ALKBH5: variants seen among roughly 807,000 people sequenced by gnomAD.
ALKBH5 encodes alkB homolog 5, RNA demethylase, also known as RNA demethylase ALKBH5.
A neutral mutation model predicts 32.1 loss-of-function variants in ALKBH5; 2 were observed. The ratio of observed to expected loss-of-function variants is 0.06; its 90% CI spans 0.03 to 0.20. The LOEUF (loss-of-function observed/expected upper bound fraction) is 0.20. Among genes scored for constraint, ALKBH5 ranks in the 10% least tolerant of loss-of-function variants. The pLI is 1.00. For missense variants in ALKBH5, 352 were observed against 559.5 expected (o/e 0.63, Z 3.74); for synonymous variants, 300 against 231.7 (o/e 1.29, Z -2.68).
intron 1 of ALKBH5, among the ~76,000 whole-genome samples, chr17:18,192,697 G>T (rs945142779): frequency 3.9e-5 from 6 of 152,108 alleles, no homozygotes; most frequent in African/African-American, 1.4e-4. Flanking sequence ...GGTATTAATA[G>T]GTATTATGAG....
Position 18,184,008 on chromosome 17 carries a change from T to C in ALKBH5, c.-236T>C. 1 of 649,084 alleles carries C rather than the reference T, an allele frequency of 1.5e-6. No individual in the cohort carries two copies. The highest frequency in any genetic ancestry group is 2.8e-6 in the Non-Finnish European group (1 of 354,064). The allele number at this position is 649,084 out of a possible 1,614,324, so 40.2% of individuals were successfully genotyped here. A position where few individuals can be genotyped will look rare whatever the true frequency, so the allele number is the denominator to read the frequency against. The stretch of plus-strand genomic sequence containing the variant: ...GCCGGCGCCCCTGCCCCGCGGGACG[T>C]GGAGAAGGTGGAGGAGGAAGAAGCC... On this transcript the variant is annotated 5_prime_UTR_variant, in exon 1 of 4. Coordinates refer to ENST00000399138, the MANE Select transcript of ALKBH5 (RefSeq NM_017758.4).
rs57485964 is a variant in ALKBH5 at position 18,201,743 on chromosome 17, TTAGATAGATAGATAGA to T, written c.852-5044_852-5029del. On this transcript the variant is annotated intron_variant, in intron 2 of 3. Transcript: ENST00000399138. ...TTGGGCTACAGGGTGAGACTCCATC[TTAGATAGATAGATAGA>T]TAGATAGATAGATAGATAGATAGAT... Among the ~76,000 whole-genome samples the T allele has an allele frequency of 3.1e-3, 405 of 129,916 alleles. 3 individuals carry two copies. The highest frequency in any genetic ancestry group is 5.5e-3 in the South Asian group (18 of 3,286). The allele number at this position is 129,916 out of a possible 152,430, so 85.2% of individuals were successfully genotyped here.
At chr17:18,197,142 A>G (rs535279548) in intron 2 of ALKBH5, among the ~76,000 whole-genome samples, 182 of 152,356 alleles carry the variant, frequency 1.2e-3, no homozygotes, top group Non-Finnish European at 2.0e-3. Flanking sequence ...GGTATGATCC[A>G]TATCTGTGGG....
chr17:18,183,951 C>A lies in ALKBH5; in HGVS notation c.-293C>A, dbSNP rs1031805429. The A allele has an allele frequency of 1.7e-6, 1 of 601,900 alleles. No homozygotes were observed. The highest frequency in any genetic ancestry group is 2.2e-5 in the Admixed American group (1 of 45,880). 37.3% of individuals were successfully genotyped at this position (601,900 alleles called of 1,614,324 possible). ...GGTCTGGTCGGGAGTCGGGCCGCGT[C>A]TCCGCAGCAGCCCTCCGCGGCATGA... On this transcript the variant is annotated 5_prime_UTR_variant, in exon 1 of 4. Coordinates refer to ENST00000399138, the MANE Select transcript of ALKBH5 (RefSeq NM_017758.4).
chr17:18,208,165 C>A, intron 3 of ALKBH5, 54 bp from the exon 4 acceptor site: 1 of 1,547,714 alleles, frequency 6.5e-7, no homozygotes, highest in African/African-American at 1.4e-5. Context: ...AGCGGTAAAG[C>A]CAGGCGCCTC....
chr17:18,197,565 A>G (rs1423014235), intron 2 of ALKBH5, among the ~76,000 whole-genome samples: 1 of 152,236 alleles, frequency 6.6e-6, no homozygotes, highest in Non-Finnish European at 1.5e-5. Context: ...TTGGATGTGC[A>G]GGTGGTAGTG....
intron 2 of ALKBH5, among the ~76,000 whole-genome samples, chr17:18,202,382 A>T (rs2047247267): frequency 6.6e-6 from 1 of 151,914 alleles, no homozygotes; most frequent in African/African-American, 2.4e-5. Flanking sequence ...GGGTGGGGAG[A>T]GTCCCGTGAG....
At position 18,183,909 on chromosome 17, in the gene ALKBH5, C is replaced by T; in HGVS notation, c.-335C>T. The stretch of plus-strand genomic sequence containing the variant: ...GTGCGGAGAGCTTTAAAGTGCGGGC[C>T]GGGCCGGGCGTCCGAGGGTCTGGTC... On this transcript the variant is annotated 5_prime_UTR_variant, in exon 1 of 4. Transcript: ENST00000399138. 3 of 509,416 alleles carry T rather than the reference C, an allele frequency of 5.9e-6. No homozygotes were observed. Among genetic ancestry groups the T allele is most frequent in the South Asian group, 1.6e-5 (1 of 60,914 alleles). The allele number at this position is 509,416 out of a possible 1,614,324, so 31.6% of individuals were successfully genotyped here. A position where few individuals can be genotyped will look rare whatever the true frequency, so the allele number is the denominator to read the frequency against.
intron 2 of ALKBH5, among the ~76,000 whole-genome samples, chr17:18,205,764 A>T (rs2047265911): frequency 6.6e-6 from 1 of 152,184 alleles, no homozygotes; most frequent in African/African-American, 2.4e-5. Flanking sequence ...AGCCCAAGGC[A>T]GTTCTTGGAT....
At chr17:18,188,415 A>G (rs1031682498) in intron 1 of ALKBH5, among the ~76,000 whole-genome samples, 25 of 152,354 alleles carry the variant, frequency 1.6e-4, no homozygotes, top group African/African-American at 6.0e-4. Context: ...TGACTCTTCC[A>G]GTTAACGGTT....
intron 1 of ALKBH5, among the ~76,000 whole-genome samples, chr17:18,190,582 C>T (rs907573504): frequency 6.6e-6 from 1 of 151,556 alleles, no homozygotes; most frequent in African/African-American, 2.4e-5. Context: ...ATTTCAGACA[C>T]CTCATTTAAT....
intron 1 of ALKBH5, 47 bp from the exon 2 acceptor site, chr17:18,194,908 G>A: frequency 6.3e-7 from 1 of 1,584,694 alleles, no homozygotes; most frequent in South Asian, 1.1e-5. Flanking sequence ...AGGAACTTTG[G>A]TTGTCTGTCT....
chr17:18,190,260 T>C (rs1488169674), intron 1 of ALKBH5, among the ~76,000 whole-genome samples: 1 of 152,040 alleles, frequency 6.6e-6, no homozygotes, highest in African/African-American at 2.4e-5. Context: ...CTTTAAAGAA[T>C]TTTTCAGGGC....
At position 18,203,027 on chromosome 17, in the gene ALKBH5, C is replaced by T. The variant is rs143766153; in HGVS notation, c.852-3788C>T. On this transcript the variant is annotated intron_variant, in intron 2 of 3. Coordinates refer to ENST00000399138, the MANE Select transcript of ALKBH5 (RefSeq NM_017758.4). ...AGGTGGAGGTGCAGTGAACCAAGAT[C>T]GTGCCACTGCACTCCAGCCTGGAGA... Among the ~76,000 whole-genome samples, 60 of 147,220 alleles carry T rather than the reference C, an allele frequency of 4.1e-4. No individual in the cohort carries two copies. In the East Asian group the frequency reaches 0.01, roughly 25 times the overall value.
In ALKBH5 at chr17:18,184,594, C is replaced by T. The variant is rs770851747; in HGVS notation, c.351C>T (p.Gly117=). ...IDEVVSRAEK[G]LYNEHTVDRA... is the part of the protein sequence containing the mutation. ...AGGTGGTGTCCCGCGCTGAGAAGGGCCTGTACAACGAGCACACGGTGGACC... is the reference window on the plus strand; with the variant it reads ...AGGTGGTGTCCCGCGCTGAGAAGGGTCTGTACAACGAGCACACGGTGGACC... The change falls in exon 1 of 4, where the codon GGC becomes GGT. Residue 117 remains glycine, a synonymous_variant. Coordinates refer to ENST00000399138, the MANE Select transcript of ALKBH5 (RefSeq NM_017758.4). 36 of 1,613,324 alleles carry T rather than the reference C, an allele frequency of 2.2e-5. No homozygotes were observed. The Middle Eastern group carries it at 6.6e-4, about 30-fold the overall frequency.
rs779379714 is a variant in ALKBH5 at position 18,184,366 on chromosome 17, AGCCGCAGCC to A, written c.129_137del (p.Ala46_Ala48del). 3.4e-5 allele frequency: 52 copies of A among 1,516,096 alleles called. No homozygotes were observed. The highest frequency in any genetic ancestry group is 4.1e-5 in the Non-Finnish European group (47 of 1,135,038). 93.9% of individuals were successfully genotyped at this position (1,516,096 alleles called of 1,614,324 possible). A position where few individuals can be genotyped will look rare whatever the true frequency, so the allele number is the denominator to read the frequency against. Reference sequence around the variant, plus strand: ...CTGCCGCAGCCGCCGTAGCCGCCGCAGCCGCAGCCGCCGCTGCCGCCGAACCTTACCCTG... The same window carrying A: ...CTGCCGCAGCCGCCGTAGCCGCCGCAGCCGCTGCCGCCGAACCTTACCCTG... On this transcript the variant is annotated inframe_deletion, in exon 1 of 4. Transcript: ENST00000399138.
At position 18,184,103 on chromosome 17, in the gene ALKBH5, C is replaced by T; in HGVS notation, c.-141C>T. On this transcript the variant is annotated 5_prime_UTR_variant, in exon 1 of 4. Transcript: ENST00000399138. The stretch of plus-strand genomic sequence containing the variant: ...CCCCACGCCCGGACCCTCGACGCCC[C>T]CCGCCGGGTCCCCCACTCACGCATG... 6.3e-6 allele frequency: 5 copies of T among 790,340 alleles called. No homozygotes were observed. The South Asian group carries it at 7.8e-5, about 12-fold the overall frequency. 49.0% of individuals were successfully genotyped at this position (790,340 alleles called of 1,614,324 possible).
chr17:18,200,609 G>A (rs180691955), intron 2 of ALKBH5, among the ~76,000 whole-genome samples: 1 of 152,296 alleles, frequency 6.6e-6, no homozygotes, highest in Non-Finnish European at 1.5e-5. Context: ...AATGGGGTTT[G>A]TATGGGTTCC....
chr17:18,209,088 C>CT lies in ALKBH5; in HGVS notation c.*693dup, dbSNP rs1475770713. On this transcript the variant is annotated 3_prime_UTR_variant, in exon 4 of 4. Transcript: ENST00000399138. ...CACAGTTCCTTGGGCTGCTGAGGGG[C>CT]TAGTGCAGTGGTCCTGACCTCTCTT... 6.3e-6 allele frequency: 1 copy of CT among 158,304 alleles called. No homozygotes were observed. The highest frequency in any genetic ancestry group is 1.4e-5 in the Non-Finnish European group (1 of 71,316). The allele number at this position is 158,304 out of a possible 1,614,324, so 9.8% of individuals were successfully genotyped here.
Sources: allele counts gnomAD v4.1 joint callset (sites outside exome capture counted in the v4.1 genomes callset), GRCh38; gene constraint gnomAD v4.1.1; transcripts MANE v1.5; gene names NCBI Gene and HGNC (gene_info 2026-07-23, HGNC 2026-07-21).